The following RIC1 variants were observed in gnomAD, a reference collection of about 807,000 sequenced individuals.
RIC1 encodes the protein RIC1 partner of RAB6A GEF complex.
Under a neutral mutation model 169.0 loss-of-function variants are expected in RIC1, and 88 were observed. The ratio of observed to expected loss-of-function variants is 0.52; its 90% CI spans 0.44 to 0.62. The LOEUF is 0.62. RIC1 is among the 20% of genes least tolerant of loss of function. RIC1 has a pLI of 0.00. For synonymous variants in RIC1, 790 were observed against 601.5 expected (o/e 1.31, Z -4.59); for missense variants, 1,877 against 1,725.5 (o/e 1.09, Z -1.56).
chr9:5,759,096 A>C (rs1826184504), intron 17 of RIC1, among the ~76,000 whole-genome samples: 1 of 151,998 alleles, frequency 6.6e-6, no homozygotes, highest in Non-Finnish European at 1.5e-5. Context: ...TATAGTTCCC[A>C]TTTCCTCTGC....
intron 2 of RIC1, among the ~76,000 whole-genome samples, chr9:5,681,073 G>T (rs1223847536): frequency 6.6e-6 from 1 of 151,520 alleles, no homozygotes; most frequent in Non-Finnish European, 1.5e-5. Context: ...TGATCCGCCC[G>T]CCTCGGCCTC....
At chr9:5,664,236 C>T (rs538090990) in intron 2 of RIC1, among the ~76,000 whole-genome samples, 213 of 152,046 alleles carry the variant, frequency 1.4e-3, no homozygotes, top group African/African-American at 4.9e-3. Flanking sequence ...TGTGAAAAAC[C>T]CCATCTCTAC....
intron 21 of RIC1, among the ~76,000 whole-genome samples, chr9:5,766,813 G>A (rs1265819216): frequency 6.6e-6 from 1 of 152,220 alleles, no homozygotes; most frequent in African/African-American, 2.4e-5. Flanking sequence ...AAACGTGTGT[G>A]CAAGTATCTT....
At chr9:5,772,442 T>C in intron 23 of RIC1, 122 bp from the exon 24 acceptor site, 1 of 738,732 alleles carries the variant, frequency 1.4e-6, no homozygotes, top group South Asian at 2.2e-5. Context: ...TAGCCATGGA[T>C]TTCATGTTTT....
At position 5,774,100 on chromosome 9, in the gene RIC1, G is replaced by T; in HGVS notation, c.4126G>T (p.Glu1376Ter). The T allele has an allele frequency of 6.2e-7, 1 of 1,614,132 alleles. No individual in the cohort carries two copies. The highest frequency in any genetic ancestry group is 8.5e-7 in the Non-Finnish European group (1 of 1,180,014). Residue 1376 changes from glutamate to a stop codon, truncating the protein, a stop_gained, in exon 26 of 26, where the codon GAG becomes TAG. Transcript: ENST00000414202. LOFTEE classifies it high-confidence loss of function. ...TPEQTSPRAE[E>*]SRGSSSHGSI... is the part of the protein sequence containing the mutation. The stretch of plus-strand genomic sequence containing the variant: ...AGAACAGACTAGCCCCCGGGCAGAG[G>T]AGAGCAGGGGCTCCTCCAGCCATGG...
intron 6 of RIC1, among the ~76,000 whole-genome samples, chr9:5,723,784 C>G (rs1223537441): frequency 6.6e-6 from 1 of 152,108 alleles, no homozygotes; most frequent in African/African-American, 2.4e-5. Context: ...TATGGCTAGC[C>G]CGTTTTACCA....
chr9:5,631,196 A>G (rs1309806871), intron 1 of RIC1, among the ~76,000 whole-genome samples: 2 of 152,158 alleles, frequency 1.3e-5, no homozygotes, highest in African/African-American at 4.8e-5. Context: ...ACATCTAGAA[A>G]TCCAAGGCAG....
Position 5,708,543 on chromosome 9 carries a change from A to G in RIC1, c.333-5353A>G, listed in dbSNP as rs545541707. ...TTTGTTTTTGAAGGATAATTTTTCTAGATATTTCAGCACTTGAAATATGTC... is the reference window on the plus strand; with the variant it reads ...TTTGTTTTTGAAGGATAATTTTTCTGGATATTTCAGCACTTGAAATATGTC... On this transcript the variant is annotated intron_variant, in intron 3 of 25. Transcript: ENST00000414202. 2.6e-5 allele frequency among the ~76,000 whole-genome samples: 4 copies of G among 152,264 alleles called. No homozygotes were observed. In the South Asian group the frequency reaches 8.3e-4, roughly 32 times the overall value.
In RIC1 at chr9:5,774,121, C is replaced by T. The variant is rs765824248; in HGVS notation, c.4147C>T (p.His1383Tyr). The change falls in exon 26 of 26, where the codon CAT (histidine) becomes TAT (tyrosine). Residue 1383 changes from histidine (H) to tyrosine (Y), a missense_variant. Around this residue, in one of 3 missense-constraint regions of RIC1, gnomAD observed 681 missense variants for 582.0 expected, o/e 1.17. Coordinates refer to ENST00000414202, the MANE Select transcript of RIC1 (RefSeq NM_020829.4). ...RAEESRGSSS[H>Y]GSIPQGEVGS... ...AGAGGAGAGCAGGGGCTCCTCCAGC[C>T]ATGGAAGCATCCCCCAGGGTGAAGT... 9 of 1,613,938 alleles carry T rather than the reference C, an allele frequency of 5.6e-6. No individual in the cohort carries two copies. The Middle Eastern group carries it at 1.3e-3, about 236-fold the overall frequency.
intron 12 of RIC1, among the ~76,000 whole-genome samples, chr9:5,751,563 C>T (rs1028829399): frequency 3.3e-5 from 5 of 151,834 alleles, no homozygotes; most frequent in Non-Finnish European, 5.9e-5. Context: ...CCATGCTGGC[C>T]GGGCTGGTCT....
intron 1 of RIC1, among the ~76,000 whole-genome samples, chr9:5,652,635 T>C (rs963854382): frequency 2.0e-5 from 3 of 152,218 alleles, no homozygotes; most frequent in African/African-American, 7.2e-5. Context: ...AAGATTGTGT[T>C]ACCTGCAAAT....
At chr9:5,690,193 A>C (rs1033392877) in intron 3 of RIC1, among the ~76,000 whole-genome samples, 155 bp downstream of exon 3, 1 of 152,144 alleles carries the variant, frequency 6.6e-6, no homozygotes, top group African/African-American at 2.4e-5. Flanking sequence ...TTGAACTGTC[A>C]TTTCTTGAAT....
intron 25 of RIC1, among the ~76,000 whole-genome samples, 186 bp from the exon 26 acceptor site, chr9:5,773,765 ATGCAATG>A (rs1827393845): frequency 6.6e-6 from 1 of 152,200 alleles, no homozygotes; most frequent in African/African-American, 2.4e-5. Context: ...CCTCAGGCTT[ATGCAATG>A]TGCAGCCCCC....
chr9:5,641,937 A>G (rs1023531960), intron 1 of RIC1, among the ~76,000 whole-genome samples: 3 of 143,494 alleles, frequency 2.1e-5, no homozygotes, highest in South Asian at 2.2e-4. Context: ...TACTTAGTTC[A>G]TTTGGTGGGG....
chr9:5,681,020 G>A (rs1045797076), intron 2 of RIC1, among the ~76,000 whole-genome samples: 2 of 150,624 alleles, frequency 1.3e-5, no homozygotes, highest in Non-Finnish European at 3.0e-5. Flanking sequence ...TAGAGACGGG[G>A]TTTCACCTTG....
At chr9:5,681,849 G>C (rs1424813269) in intron 2 of RIC1, among the ~76,000 whole-genome samples, 1 of 152,100 alleles carries the variant, frequency 6.6e-6, no homozygotes, top group African/African-American at 2.4e-5. Context: ...CTCCTGTATT[G>C]GGTGCATATA....
intron 7 of RIC1, among the ~76,000 whole-genome samples, chr9:5,736,104 A>G (rs1365725540): frequency 6.6e-6 from 1 of 152,246 alleles, no homozygotes; most frequent in African/African-American, 2.4e-5. Flanking sequence ...CCTACTTCTT[A>G]TATTTAAAAC....
intron 8 of RIC1, among the ~76,000 whole-genome samples, chr9:5,740,192 C>G (rs150183062): frequency 3.9e-5 from 6 of 152,306 alleles, no homozygotes; most frequent in African/African-American, 1.4e-4. Flanking sequence ...CACTAAACTC[C>G]TTGCGTCTCA....
intron 17 of RIC1, among the ~76,000 whole-genome samples, chr9:5,761,136 C>T (rs944770286): frequency 1.1e-5 from 1 of 91,194 alleles, no homozygotes; most frequent in Non-Finnish European, 2.0e-5. Flanking sequence ...TTTTTTGAGA[C>T]GGAGTCTTGC....
Sources: gnomAD v4.1 joint callset for allele counts (sites outside exome capture counted in the v4.1 genomes callset) on GRCh38, gnomAD v4.1.1 for gene constraint, gnomAD v4.1.1 regional missense constraint, MANE v1.5 for transcripts, NCBI Gene and HGNC (gene_info 2026-07-23, HGNC 2026-07-21) for gene names.